Variants in TNN observed in about 807,000 individuals in gnomAD.
TNN encodes the protein tenascin N.
A neutral mutation model predicts 134.4 loss-of-function variants in TNN; 122 were observed. The observed-to-expected ratio is 0.91, with a 90% confidence interval of 0.78 to 1.06. The LOEUF is 1.06. Ranked by LOEUF, TNN falls within the 50% of genes least tolerant of loss-of-function variation. The pLI is 0.00. For missense variants in TNN, 1,739 were observed against 1,699.4 expected (o/e 1.02, Z -0.41); for synonymous variants, 710 against 670.3 (o/e 1.06, Z -0.91).
chr1:175,072,926 C>CTTTTTTTTTTTTTTTTTTTT (rs60879960), intron 1 of TNN, among the ~76,000 whole-genome samples: 1 of 46,762 alleles, frequency 2.1e-5, no homozygotes, highest in Non-Finnish European at 3.6e-5. Context: ...GAGTCCACGG[C>CTTTTTTTTTTTTTTTTTTTT]TTTTTTTTTT....
At chr1:175,125,703 CTCTTTCTTTCTT>C (rs1173340653) in intron 12 of TNN, among the ~76,000 whole-genome samples, 7,622 of 65,554 alleles carry the variant, frequency 0.12, 290 homozygotes, top group Non-Finnish European at 0.12. Flanking sequence ...TCTTTTTTCT[CTCTTTCTTTCTT>C]TCTTTCTTTC....
At chr1:175,093,492 G>A (rs143741794) in intron 6 of TNN, among the ~76,000 whole-genome samples, 7 of 152,348 alleles carry the variant, frequency 4.6e-5, no homozygotes, top group African/African-American at 1.7e-4. Context: ...AATGAATGAA[G>A]TGAGTTTTGG....
At position 175,128,911 on chromosome 1, in the gene TNN, T is replaced by G. The variant is rs6664418; in HGVS notation, c.3330+165T>G. On this transcript the variant is annotated intron_variant, in intron 15 of 18. Transcript: ENST00000239462. ...GCTGTTTTTAGAGAGATCCCAATGT[T>G]ACAGGAAAGGGGTCCCCATCCAGAT... Among the ~76,000 whole-genome samples the G allele has an allele frequency of 0.078, 11,891 of 152,136 alleles. 977 individuals carry two copies. The highest frequency in any genetic ancestry group is 0.21 in the African/African-American group (8,730 of 41,446).
intron 11 of TNN, among the ~76,000 whole-genome samples, chr1:175,120,094 C>T (rs1014515131): frequency 8.5e-5 from 13 of 152,212 alleles, no homozygotes; most frequent in African/African-American, 2.7e-4. Context: ...ACCGAATAGA[C>T]GCTGTGTGAT....
chr1:175,080,408 C>A lies in TNN; in HGVS notation c.1030C>A (p.His344Asn). The change falls in exon 4 of 19, where the codon CAT becomes AAT. Residue 344 changes from histidine (H) to asparagine (N), a missense_variant. By Grantham distance (68) the His-to-Asn change is moderately conservative (BLOSUM62 1). Transcript: ENST00000239462. ...VKNEVSSSPQHLLATTDLAVL... is the reference protein window; with the variant it reads ...VKNEVSSSPQNLLATTDLAVL... ...GAATGAAGTTTCTAGCAGCCCACAG[C>A]ATCTACTTGCCACCACAGGTGAGGA... is the stretch of plus-strand genomic sequence containing the variant. 1 of 1,614,090 alleles carries A rather than the reference C, an allele frequency of 6.2e-7. No homozygotes were observed. Among genetic ancestry groups the A allele is most frequent in the Non-Finnish European group, 8.5e-7 (1 of 1,179,978 alleles).
intron 1 of TNN, among the ~76,000 whole-genome samples, chr1:175,068,472 A>G (rs902015626): frequency 2.6e-5 from 4 of 152,214 alleles, no homozygotes; most frequent in African/African-American, 9.6e-5. Context: ...TTGCAAACAC[A>G]TTTGAACAGC....
intron 10 of TNN, among the ~76,000 whole-genome samples, chr1:175,117,902 G>T (rs1311416124): frequency 6.6e-6 from 1 of 152,192 alleles, no homozygotes; most frequent in Non-Finnish European, 1.5e-5. Context: ...TATTTTAGTG[G>T]AAGCGATATC....
At position 175,125,818 on chromosome 1, in the gene TNN, CCTCCTTTCTTTCTTTCTTTTTTCTT is replaced by C. The variant is rs1284254807; in HGVS notation, c.2915-1136_2915-1112del. Among the ~76,000 whole-genome samples the C allele has an allele frequency of 5.3e-4, 76 of 142,582 alleles. 1 individual carries two copies. Among genetic ancestry groups the C allele is most frequent in the Middle Eastern group, 3.7e-3 (1 of 270 alleles). 93.5% of individuals were successfully genotyped at this position (142,582 alleles called of 152,430 possible). On this transcript the variant is annotated intron_variant, in intron 12 of 18. Transcript: ENST00000239462. ...CTCTCCTTCCTTCCTTCCCTCCCTC[CCTCCTTTCTTTCTTTCTTTTTTCTT>C]TTTCTTTCTTTCTTTTTTCTTTTTC...
chr1:175,108,903 C>A (rs1674939115), intron 9 of TNN, among the ~76,000 whole-genome samples: 1 of 151,560 alleles, frequency 6.6e-6, no homozygotes. Context: ...GAAAGGGGCT[C>A]CCACAGTGTA....
intron 1 of TNN, among the ~76,000 whole-genome samples, chr1:175,071,864 GAC>G (rs1673922093): frequency 6.6e-6 from 1 of 152,152 alleles, no homozygotes; most frequent in South Asian, 2.1e-4. Flanking sequence ...CACATACACA[GAC>G]ACACACAAAT....
At chr1:175,135,984 T>A (rs1206152077) in intron 16 of TNN, 43 bp downstream of exon 16, 2 of 1,425,708 alleles carry the variant, frequency 1.4e-6, no homozygotes. Context: ...TGGGGGGTGA[T>A]TTCTCCCAGG....
intron 18 of TNN, 142 bp from the exon 19 acceptor site, chr1:175,146,789 C>T: frequency 1.3e-6 from 1 of 785,216 alleles, no homozygotes; most frequent in Non-Finnish European, 1.8e-6. Context: ...TTCTCATCAC[C>T]CCGTCTCTTT....
rs1674185047 is a variant in TNN, at chr1:175,080,908, A to G, written c.1048+482A>G. ...GTGTGGGTAGGGGTTGGATGGTGAC[A>G]CACTAAGACCTGCATCAATAAGGAT... On this transcript the variant is annotated intron_variant, in intron 4 of 18. Transcript: ENST00000239462. Among the ~76,000 whole-genome samples, 5 of 152,254 alleles carry G rather than the reference A, an allele frequency of 3.3e-5. No homozygotes were observed. In the South Asian group the frequency reaches 1.0e-3, roughly 31 times the overall value.
intron 1 of TNN, among the ~76,000 whole-genome samples, chr1:175,071,476 G>A (rs555876584): frequency 6.6e-6 from 1 of 152,192 alleles, no homozygotes; most frequent in Non-Finnish European, 1.5e-5. Flanking sequence ...CATGAGAATT[G>A]ACTGGGACTT....
chr1:175,135,280 T>G (rs1387856738), intron 15 of TNN, among the ~76,000 whole-genome samples: 1 of 152,236 alleles, frequency 6.6e-6, no homozygotes, highest in Non-Finnish European at 1.5e-5. Flanking sequence ...AGGGACTATT[T>G]CTGATTTATT....
intron 17 of TNN, among the ~76,000 whole-genome samples, chr1:175,139,861 TG>T (rs1460704915): frequency 6.6e-6 from 1 of 152,252 alleles, no homozygotes; most frequent in African/African-American, 2.4e-5. Flanking sequence ...TCAGGTTTAT[TG>T]TGATCTTATG....
At position 175,109,072 on chromosome 1, in the gene TNN, A is replaced by ATTTTT. The variant is rs1160268455; in HGVS notation, c.2120-7844_2120-7840dup. ...GAATGTATTTCTTCTATCTAACTGT[A>ATTTTT]TTTTTTTTTTTTTTTTTTTTTTTTT... On this transcript the variant is annotated intron_variant, in intron 9 of 18. Coordinates refer to ENST00000239462, the MANE Select transcript of TNN (RefSeq NM_022093.2). Among the ~76,000 whole-genome samples the ATTTTT allele has an allele frequency of 1.6e-3, 97 of 61,972 alleles. 25 individuals carry two copies. The highest frequency in any genetic ancestry group is 4.5e-3 in the African/African-American group (67 of 14,908). The allele number at this position is 61,972 out of a possible 152,430, so 40.7% of individuals were successfully genotyped here.
chr1:175,100,791 CTG>C (rs1394662652), intron 9 of TNN, among the ~76,000 whole-genome samples: 2 of 151,960 alleles, frequency 1.3e-5, no homozygotes, highest in Admixed American at 6.6e-5. Flanking sequence ...TATCAACAAA[CTG>C]GTGTTAATAA....
At chr1:175,095,730 C>T (rs537381498) in intron 7 of TNN, among the ~76,000 whole-genome samples, 26 of 152,286 alleles carry the variant, frequency 1.7e-4, no homozygotes, top group Middle Eastern at 6.8e-3. Context: ...CCCGCCACCA[C>T]GCCCAGCTAA....
Sources: gnomAD v4.1 joint callset for allele counts (sites outside exome capture counted in the v4.1 genomes callset) on GRCh38, gnomAD v4.1.1 for gene constraint, MANE v1.5 for transcripts, NCBI Gene and HGNC (gene_info 2026-07-23, HGNC 2026-07-21) for gene names.